The following DNAH7 variants were observed in gnomAD, a reference collection of about 807,000 sequenced individuals.
The protein encoded by DNAH7 is axonemal beta dynein heavy chain 7.
Under a neutral mutation model 444.6 loss-of-function variants are expected in DNAH7, and 397 were observed. The ratio of observed to expected loss-of-function variants is 0.89; its 90% CI spans 0.82 to 0.97. DNAH7 has a LOEUF of 0.97. Among genes scored for constraint, DNAH7 ranks in the 50% least tolerant of loss-of-function variants. DNAH7 has a pLI of 0.00. For missense variants in DNAH7, 4,902 were observed against 4,800.8 expected (o/e 1.02, Z -0.62); for synonymous variants, 1,636 against 1,624.4 (o/e 1.01, Z -0.17).
At chr2:195,972,597 C>T in intron 15 of DNAH7, 131 bp from the exon 16 acceptor site, 2 of 633,414 alleles carry the variant, frequency 3.2e-6, no homozygotes, top group Admixed American at 5.7e-5. Flanking sequence ...AAATCAGGGA[C>T]TACAGCATAG....
intron 19 of DNAH7, among the ~76,000 whole-genome samples, chr2:195,953,507 C>T (rs1027761814): frequency 2.6e-5 from 4 of 152,216 alleles, no homozygotes; most frequent in Non-Finnish European, 5.9e-5. Context: ...CAGGTAGGAA[C>T]GTTTAAGTCT....
chr2:195,840,535 C>CA (rs1335992731), intron 47 of DNAH7, among the ~76,000 whole-genome samples: 25 of 151,798 alleles, frequency 1.6e-4, no homozygotes, highest in African/African-American at 5.8e-4. Flanking sequence ...AAAAGGCATA[C>CA]AGATTAGAAA....
chr2:195,946,008 G>C (rs1001483239), intron 19 of DNAH7, among the ~76,000 whole-genome samples: 1 of 152,152 alleles, frequency 6.6e-6, no homozygotes, highest in East Asian at 1.9e-4. Context: ...TGAAAGGAGA[G>C]GAAACTGACA....
chr2:195,983,493 G>A (rs1029084577), intron 15 of DNAH7, among the ~76,000 whole-genome samples: 1 of 152,090 alleles, frequency 6.6e-6, no homozygotes, highest in African/African-American at 2.4e-5. Flanking sequence ...GGGGGTGCCA[G>A]GCTCTTTTTA....
intron 61 of DNAH7, among the ~76,000 whole-genome samples, chr2:195,770,190 T>C (rs143499772): frequency 8.4e-4 from 128 of 152,342 alleles, no homozygotes; most frequent in African/African-American, 2.6e-3. Context: ...CCAGTTCAGC[T>C]GGATTTCTCA....
intron 1 of DNAH7, among the ~76,000 whole-genome samples, chr2:196,060,590 A>T (rs1166317269): frequency 1.3e-5 from 2 of 152,082 alleles, no homozygotes; most frequent in Non-Finnish European, 2.9e-5. Context: ...TCTCCCTATT[A>T]TTTTCACTAG....
chr2:195,992,789 T>C (rs1693433289), intron 12 of DNAH7, among the ~76,000 whole-genome samples: 1 of 152,198 alleles, frequency 6.6e-6, no homozygotes, highest in Admixed American at 6.5e-5. Flanking sequence ...GATTTGCAGC[T>C]GACACAAACC....
At chr2:195,956,404 A>G (rs1160633345) in intron 19 of DNAH7, among the ~76,000 whole-genome samples, 1 of 152,220 alleles carries the variant, frequency 6.6e-6, no homozygotes, top group Non-Finnish European at 1.5e-5. Context: ...CAATCCCAGC[A>G]TTTTGGGAGG....
chr2:195,969,349 G>A (rs559048031), intron 17 of DNAH7, among the ~76,000 whole-genome samples: 21 of 152,302 alleles, frequency 1.4e-4, no homozygotes, highest in African/African-American at 5.1e-4. Context: ...TAAGAAAAAT[G>A]ATAGAGCATC....
chr2:195,787,174 G>A lies in DNAH7; in HGVS notation c.10717-3C>T, dbSNP rs1695661235. On this transcript the variant is annotated splice_region_variant and splice_polypyrimidine_tract_variant and intron_variant, in intron 57 of 64. Transcript: ENST00000312428. ...TAAAGCAATTTCTTGAATTCCTCCT[G>A]TAATGAGAAGAAATGATGCCGCATC... 1.9e-6 allele frequency: 3 copies of A among 1,587,698 alleles called. No homozygotes were observed. Among genetic ancestry groups the A allele is most frequent in the Non-Finnish European group, 2.6e-6 (3 of 1,171,858 alleles).
rs1423754819 is a variant in DNAH7, at chr2:196,000,004, G to A, written c.1353+700C>T. Among the ~76,000 whole-genome samples the A allele has an allele frequency of 2.0e-5, 3 of 152,126 alleles. No individual in the cohort carries two copies. The East Asian group carries it at 5.8e-4, about 29-fold the overall frequency. ...AGGATGTAAACAAGAAGGAGCAAAG[G>A]GGAAGAGCTTAAAGGTACCAGCAAT... On this transcript the variant is annotated intron_variant, in intron 12 of 64. Transcript: ENST00000312428.
At chr2:196,066,074 G>A (rs1012846625) in intron 1 of DNAH7, among the ~76,000 whole-genome samples, 5 of 152,026 alleles carry the variant, frequency 3.3e-5, no homozygotes. Context: ...AAGGAGTCTG[G>A]GTCTTCCTTA....
At chr2:195,992,646 C>A (rs1039736597) in intron 12 of DNAH7, among the ~76,000 whole-genome samples, 2 of 152,180 alleles carry the variant, frequency 1.3e-5, no homozygotes, top group Admixed American at 6.5e-5. Context: ...GAGGTTTGTT[C>A]TTTATCTGAC....
intron 63 of DNAH7, among the ~76,000 whole-genome samples, chr2:195,745,866 G>C (rs1693369012): frequency 1.3e-5 from 2 of 152,108 alleles, no homozygotes; most frequent in African/African-American, 4.8e-5. Context: ...AACATGGAAA[G>C]AACAACCGGT....
At chr2:195,840,282 A>G (rs1698606604) in intron 47 of DNAH7, among the ~76,000 whole-genome samples, 1 of 151,818 alleles carries the variant, frequency 6.6e-6, no homozygotes, top group African/African-American at 2.4e-5. Context: ...TAGACGCAGA[A>G]AAAACATTTC....
chr2:195,796,825 T>C, intron 55 of DNAH7, 88 bp from the exon 56 acceptor site: 6 of 1,390,934 alleles, frequency 4.3e-6, no homozygotes, highest in African/African-American at 1.4e-5. Flanking sequence ...ATTGACTATA[T>C]TACAACTTAA....
chr2:196,016,088 C>G (rs1341056581), intron 9 of DNAH7, among the ~76,000 whole-genome samples: 1 of 152,130 alleles, frequency 6.6e-6, no homozygotes, highest in African/African-American at 2.4e-5. Flanking sequence ...TAAATTTCAG[C>G]TTTGTTACTT....
Position 196,041,234 on chromosome 2 carries a change from C to G in DNAH7, c.398+6118G>C, listed in dbSNP as rs79175079. Reference sequence around the variant, plus strand: ...ATTTATATGGAACCACAAAAGACCCCAAATAGCCCTAATCCTTAACAACAA... The same window carrying G: ...ATTTATATGGAACCACAAAAGACCCGAAATAGCCCTAATCCTTAACAACAA... On this transcript the variant is annotated intron_variant, in intron 5 of 64. Transcript: ENST00000312428. Among the ~76,000 whole-genome samples the G allele has an allele frequency of 1.6e-3, 241 of 151,858 alleles. 6 individuals are homozygous for G. The East Asian group carries it at 0.036, about 23-fold the overall frequency.
In DNAH7 at chr2:195,875,960, A is replaced by T. The variant is rs1701029196; in HGVS notation, c.6118-117T>A. The stretch of plus-strand genomic sequence containing the variant: ...TCTATTTGCAGAGTACATATGAGGA[A>T]GTGATGGTTTCTTTTCTAAACAAGG... On this transcript the variant is annotated intron_variant, in intron 37 of 64. Coordinates refer to ENST00000312428, the MANE Select transcript of DNAH7 (RefSeq NM_018897.3). The T allele has an allele frequency of 3.3e-6, 3 of 920,746 alleles. No homozygotes were observed. In the East Asian group the frequency reaches 8.4e-5, roughly 26 times the overall value. 57.0% of individuals were successfully genotyped at this position (920,746 alleles called of 1,614,324 possible).
Sources: gnomAD v4.1 joint callset for allele counts (sites outside exome capture counted in the v4.1 genomes callset) on GRCh38, gnomAD v4.1.1 for gene constraint, MANE v1.5 for transcripts, NCBI Gene and HGNC (gene_info 2026-07-23, HGNC 2026-07-21) for gene names.